LPIN2: variants seen among roughly 807,000 people sequenced by gnomAD.
LPIN2 encodes the protein phosphatidate phosphatase LPIN2.
In LPIN2, 55 loss-of-function variants were observed where a neutral mutation model predicts 111.4. That is an observed-to-expected ratio of 0.49 (90% CI 0.40 to 0.62). LPIN2 has a LOEUF of 0.62. Among genes scored for constraint, LPIN2 ranks in the 20% least tolerant of loss-of-function variants. The pLI is 0.00. For missense variants in LPIN2, 992 were observed against 1,112.1 expected, an observed-to-expected ratio of 0.89 and a Z score of 1.54; for synonymous variants, 425 against 414.0, an observed-to-expected ratio of 1.03 and a Z score of -0.32.
At chr18:3,008,049 G>A (rs897072647) in intron 1 of LPIN2, among the ~76,000 whole-genome samples, 2 of 152,162 alleles carry the variant, frequency 1.3e-5, no homozygotes, top group East Asian at 1.9e-4. Flanking sequence ...TATATAAAAC[G>A]TCTTCTAGGC....
At chr18:2,982,527 T>C (rs2078126884) in intron 1 of LPIN2, 1 of 306,056 alleles carries the variant, frequency 3.3e-6, no homozygotes, top group South Asian at 3.1e-5. Context: ...TAGAAGTTAA[T>C]AAAATTCACT....
At chr18:2,965,072 C>T (rs2077773463) in intron 1 of LPIN2, among the ~76,000 whole-genome samples, 1 of 151,910 alleles carries the variant, frequency 6.6e-6, no homozygotes, top group Admixed American at 6.6e-5. Flanking sequence ...AGGTACCTTC[C>T]CATGGGCTAG....
intron 4 of LPIN2, among the ~76,000 whole-genome samples, chr18:2,942,515 T>C (rs1354870694): frequency 6.6e-6 from 1 of 152,210 alleles, no homozygotes; most frequent in Non-Finnish European, 1.5e-5. Flanking sequence ...TTGGGACATA[T>C]TTCACTGCAG....
intron 8 of LPIN2, among the ~76,000 whole-genome samples, chr18:2,933,499 A>G (rs987386095): frequency 1.3e-5 from 2 of 152,372 alleles, no homozygotes; most frequent in Admixed American, 6.5e-5. Flanking sequence ...ATATGTTGAG[A>G]TAAATTTAGG....
At position 2,951,126 on chromosome 18, in the gene LPIN2, T is replaced by G; in HGVS notation, c.519A>C (p.Ala173=). The part of the protein sequence containing the change: ...KQDSKKEEQA[A]SAAAEDTCDV... Reference sequence around the variant, plus strand: ...CACATGTGTCTTCTGCAGCAGCAGATGCGGCCTGCTCTTCCTTCTTACTGT... The same window carrying G: ...CACATGTGTCTTCTGCAGCAGCAGAGGCGGCCTGCTCTTCCTTCTTACTGT... Residue 173 remains alanine, a synonymous_variant, in exon 4 of 20, where the codon GCA becomes GCC. Coordinates refer to ENST00000677752, the MANE Select transcript of LPIN2 (RefSeq NM_001375808.2). 6.2e-7 allele frequency: 1 copy of G among 1,614,184 alleles called. No individual in the cohort carries two copies. Among genetic ancestry groups the G allele is most frequent in the Non-Finnish European group, 8.5e-7 (1 of 1,180,016 alleles).
At chr18:2,999,440 C>CAA (rs1296933518) in intron 1 of LPIN2, among the ~76,000 whole-genome samples, 9 of 131,976 alleles carry the variant, frequency 6.8e-5, no homozygotes, top group Non-Finnish European at 9.9e-5. Flanking sequence ...ACTAAAAATA[C>CAA]AAAAAAAAAA....
chr18:2,977,590 C>T (rs1057173118), intron 1 of LPIN2, among the ~76,000 whole-genome samples: 2 of 152,074 alleles, frequency 1.3e-5, no homozygotes, highest in African/African-American at 4.8e-5. Flanking sequence ...GAGTCAGAGA[C>T]TGGGAAATGC....
At chr18:3,000,181 A>G (rs899844974) in intron 1 of LPIN2, among the ~76,000 whole-genome samples, 18 of 119,138 alleles carry the variant, frequency 1.5e-4, no homozygotes, top group African/African-American at 5.3e-4. Context: ...AGTAAATCCA[A>G]CAAGGATAAA....
intron 18 of LPIN2, 32 bp downstream of exon 18, chr18:2,921,501 A>C: frequency 6.6e-7 from 1 of 1,512,552 alleles, no homozygotes; most frequent in Non-Finnish European, 9.2e-7. Flanking sequence ...AATTTCACCC[A>C]CATCAGAACC....
At chr18:2,957,035 A>G (rs926015734) in intron 2 of LPIN2, among the ~76,000 whole-genome samples, 2 of 152,232 alleles carry the variant, frequency 1.3e-5, no homozygotes. Context: ...GATGTATGAA[A>G]TTCTAGTAAA....
At chr18:3,006,911 G>T (rs1363659093) in intron 1 of LPIN2, among the ~76,000 whole-genome samples, 1 of 151,862 alleles carries the variant, frequency 6.6e-6, no homozygotes, top group African/African-American at 2.4e-5. Context: ...GAGGTAGGAG[G>T]ATTGCTTGGG....
chr18:3,012,992 GCCCCGGGCCCGCGCCAAGGGAAGC>G (rs1393826408), intron 1 of LPIN2, 71 bp downstream of exon 1: 1 of 150,898 alleles, frequency 6.6e-6, no homozygotes, highest in Non-Finnish European at 1.5e-5. Context: ...CGGCAGGACA[GCCCCGGGCCCGCGCCAAGGGAAGC>G]CCCCAGGCGC....
At chr18:2,980,119 G>C (rs1183475382) in intron 1 of LPIN2, among the ~76,000 whole-genome samples, 1 of 152,164 alleles carries the variant, frequency 6.6e-6, no homozygotes, top group African/African-American at 2.4e-5. Context: ...AACATGGCTT[G>C]AAAATGGAAC....
intron 1 of LPIN2, chr18:2,982,584 G>T: frequency 4.2e-6 from 2 of 471,480 alleles, no homozygotes; most frequent in East Asian, 7.8e-5. Context: ...TTTTCTTTTG[G>T]TGGATGCCAT....
chr18:2,973,093 A>C (rs1327988929), intron 1 of LPIN2, among the ~76,000 whole-genome samples: 1 of 152,250 alleles, frequency 6.6e-6, no homozygotes, highest in South Asian at 2.1e-4. Flanking sequence ...TATACCTATC[A>C]GCACAGAAAA....
intron 1 of LPIN2, among the ~76,000 whole-genome samples, chr18:3,010,478 TA>T (rs2078584768): frequency 6.6e-6 from 1 of 151,814 alleles, no homozygotes; most frequent in Admixed American, 6.6e-5. Context: ...TTGAGAAGTA[TA>T]AAAACTTACC....
At chr18:2,920,657 G>A in intron 19 of LPIN2, 121 bp downstream of exon 19, 1 of 825,648 alleles carries the variant, frequency 1.2e-6, no homozygotes, top group Non-Finnish European at 2.1e-6. Context: ...CAGAGGAGAT[G>A]TAGCTGATCC....
chr18:2,951,033 C>T (rs767320707), intron 4 of LPIN2, 22 bp downstream of exon 4: 1 of 1,613,560 alleles, frequency 6.2e-7, no homozygotes, highest in African/African-American at 1.3e-5. Flanking sequence ...GCACAAGACC[C>T]TTCCCAGGCT....
At chr18:2,960,047 G>A (rs1181412761) in intron 2 of LPIN2, among the ~76,000 whole-genome samples, 1 of 152,060 alleles carries the variant, frequency 6.6e-6, no homozygotes, top group Non-Finnish European at 1.5e-5. Flanking sequence ...GCACGTGCCT[G>A]TAATCCCAGG....
Sources: gnomAD v4.1 joint callset for allele counts (sites outside exome capture counted in the v4.1 genomes callset) on GRCh38, gnomAD v4.1.1 for gene constraint, MANE v1.5 for transcripts, NCBI Gene and HGNC (gene_info 2026-07-23, HGNC 2026-07-21) for gene names.